Variants in SEPSECS observed in about 807,000 individuals in gnomAD.
The protein encoded by SEPSECS is Sep (O-phosphoserine) tRNA:Sec (selenocysteine) tRNA synthase.
In SEPSECS, 42 loss-of-function variants were observed where a neutral mutation model predicts 52.1. The ratio of observed to expected loss-of-function variants is 0.81; its 90% CI spans 0.63 to 1.04. The LOEUF is 1.04. Among genes scored for constraint, SEPSECS ranks in the 50% least tolerant of loss-of-function variants. The pLI is 0.00. For missense variants in SEPSECS, 590 were observed against 610.6 expected, an observed-to-expected ratio of 0.97 and a Z score of 0.36; for synonymous variants, 216 against 211.4, an observed-to-expected ratio of 1.02 and a Z score of -0.19.
chr4:25,138,704 C>T (rs1042644681), intron 8 of SEPSECS, among the ~76,000 whole-genome samples: 4 of 152,110 alleles, frequency 2.6e-5, no homozygotes, highest in Admixed American at 2.6e-4. Flanking sequence ...TGTTAAAATG[C>T]TATGACATTG....
intron 4 of SEPSECS, 85 bp downstream of exon 4, chr4:25,155,948 AGTTT>A (rs960366571): frequency 1.4e-4 from 164 of 1,211,924 alleles, no homozygotes; most frequent in South Asian, 4.1e-4. Flanking sequence ...GAAGAGAGTT[AGTTT>A]ATTTTTCATT....
intron 2 of SEPSECS, among the ~76,000 whole-genome samples, chr4:25,157,764 G>A (rs573125795): frequency 6.6e-6 from 1 of 151,888 alleles, no homozygotes; most frequent in Non-Finnish European, 1.5e-5. Context: ...CCAGGATGGT[G>A]TGGATCTCCT....
Position 25,125,592 on chromosome 4 carries a change from T to C in SEPSECS, c.1211+102A>G, listed in dbSNP as rs1031725011. On this transcript the variant is annotated intron_variant, in intron 10 of 10. Transcript: ENST00000382103. The stretch of plus-strand genomic sequence containing the variant: ...TTACTCCATGATGAATTCGCAGGTA[T>C]AGTTCAGGATATACTTGGGGGACTA... The C allele has an allele frequency of 5.2e-6, 4 of 764,782 alleles. No homozygotes were observed. In the South Asian group the frequency reaches 5.8e-5, roughly 11 times the overall value. The allele number at this position is 764,782 out of a possible 1,614,324, so 47.4% of individuals were successfully genotyped here. A position where few individuals can be genotyped will look rare whatever the true frequency, so the allele number is the denominator to read the frequency against.
rs188873089 is a variant in SEPSECS, at chr4:25,146,259, A to G, written c.805-1126T>C. 4.8e-3 allele frequency among the ~76,000 whole-genome samples: 738 copies of G among 152,304 alleles called. 4 individuals are homozygous for G. The highest frequency in any genetic ancestry group is 0.017 in the African/African-American group (695 of 41,558). On this transcript the variant is annotated intron_variant, in intron 6 of 10. Coordinates refer to ENST00000382103, the MANE Select transcript of SEPSECS (RefSeq NM_016955.4). ...TTGCTATCTGAGGGAGAACAGAAGGAGCAGATAGCTGGCCTAATCTCAGAG... is the reference window on the plus strand; with the variant it reads ...TTGCTATCTGAGGGAGAACAGAAGGGGCAGATAGCTGGCCTAATCTCAGAG...
chr4:25,139,073 C>G (rs1728954233), intron 8 of SEPSECS, among the ~76,000 whole-genome samples: 1 of 152,108 alleles, frequency 6.6e-6, no homozygotes, highest in South Asian at 2.1e-4. Flanking sequence ...TTTACCTGAC[C>G]CTTCCAGATC....
At chr4:25,160,503 CAAAACAAAA>C (rs1278033168), upstream of SEPSECS, 1 of 704,814 alleles carries the variant, frequency 1.4e-6, no homozygotes, top group Non-Finnish European at 2.4e-6. Context: ...CAAAACAAAA[CAAAACAAAA>C]AAAACACTTC....
rs1270038863 is a variant in SEPSECS, at chr4:25,122,209, A to G, written c.*1722T>C. On this transcript the variant is annotated 3_prime_UTR_variant, in exon 11 of 11. Transcript: ENST00000382103. ...ATAAATACATTTTTAAATAACCTTC[A>G]TGATATTCATAGTTAAATACTTCAT... 1 of 152,158 alleles carries G rather than the reference A, an allele frequency of 6.6e-6. No individual in the cohort carries two copies. Among genetic ancestry groups the G allele is most frequent in the Non-Finnish European group, 1.5e-5 (1 of 68,006 alleles). 9.4% of individuals were successfully genotyped at this position (152,158 alleles called of 1,614,324 possible).
intron 10 of SEPSECS, among the ~76,000 whole-genome samples, chr4:25,124,455 T>C (rs1313221424): frequency 6.6e-6 from 1 of 152,184 alleles, no homozygotes; most frequent in East Asian, 1.9e-4. Context: ...TTTACTTAAC[T>C]TCTATTAAAG....
chr4:25,142,961 C>A (rs971677528), intron 8 of SEPSECS, among the ~76,000 whole-genome samples: 3 of 152,136 alleles, frequency 2.0e-5, no homozygotes, highest in Non-Finnish European at 4.4e-5. Context: ...TTTTCCAGGA[C>A]GAAACGACTA....
chr4:25,123,829 G>T lies in SEPSECS; in HGVS notation c.*102C>A. Reference sequence around the variant, plus strand: ...CTGCTCCTTGACTGAATATTCCCATGAAATTCTCAATTCAAAAATCTCAAG... The same window carrying T: ...CTGCTCCTTGACTGAATATTCCCATTAAATTCTCAATTCAAAAATCTCAAG... On this transcript the variant is annotated 3_prime_UTR_variant, in exon 11 of 11. Transcript: ENST00000382103. 9.5e-7 allele frequency: 1 copy of T among 1,054,330 alleles called. No individual in the cohort carries two copies. The highest frequency in any genetic ancestry group is 1.5e-6 in the Non-Finnish European group (1 of 685,606). The allele number at this position is 1,054,330 out of a possible 1,614,324, so 65.3% of individuals were successfully genotyped here.
intron 1 of SEPSECS, 153 bp downstream of exon 1, chr4:25,160,103 C>G (rs1312249874): frequency 1.0e-6 from 1 of 985,350 alleles, no homozygotes; most frequent in African/African-American, 1.7e-5. Context: ...GCACAGACCG[C>G]AGTCGGTCAG....
At chr4:25,147,265 C>T (rs918825019) in intron 6 of SEPSECS, among the ~76,000 whole-genome samples, 2 of 152,144 alleles carry the variant, frequency 1.3e-5, no homozygotes, top group African/African-American at 4.8e-5. Flanking sequence ...AGCATTTATC[C>T]AAGACTTGTC....
Position 25,122,740 on chromosome 4 carries a change from T to A in SEPSECS, c.*1191A>T, listed in dbSNP as rs923030964. On this transcript the variant is annotated 3_prime_UTR_variant, in exon 11 of 11. Transcript: ENST00000382103. Reference sequence around the variant, plus strand: ...AAATCTTCAGGCTATGACATCTCTATTTCTTAAAATAGTCTTAAGTAAGTC... The same window carrying A: ...AAATCTTCAGGCTATGACATCTCTAATTCTTAAAATAGTCTTAAGTAAGTC... The A allele has an allele frequency of 5.9e-5, 9 of 152,310 alleles. 1 individual carries two copies. Among genetic ancestry groups the A allele is most frequent in the African/African-American group, 2.2e-4 (9 of 41,582 alleles). The allele number at this position is 152,310 out of a possible 1,614,324, so 9.4% of individuals were successfully genotyped here.
At chr4:25,159,418 C>A in intron 1 of SEPSECS, 1 of 352,948 alleles carries the variant, frequency 2.8e-6, no homozygotes, top group Non-Finnish European at 5.3e-6. Flanking sequence ...TGCTTCAAAC[C>A]AGGGCGTTAC....
chr4:25,145,840 T>TA (rs1309506666), intron 6 of SEPSECS, among the ~76,000 whole-genome samples: 1 of 152,176 alleles, frequency 6.6e-6, no homozygotes, highest in Non-Finnish European at 1.5e-5. Context: ...AGCACTCAGA[T>TA]AAAAAACAAA....
chr4:25,124,321 A>G lies in SEPSECS; in HGVS notation c.1212-96T>C, dbSNP rs2109479790. 12 of 1,182,162 alleles carry G rather than the reference A, an allele frequency of 1.0e-5. No homozygotes were observed. In the South Asian group the frequency reaches 1.5e-4, roughly 14 times the overall value. 73.2% of individuals were successfully genotyped at this position (1,182,162 alleles called of 1,614,324 possible). On this transcript the variant is annotated intron_variant, in intron 10 of 10. Coordinates refer to ENST00000382103, the MANE Select transcript of SEPSECS (RefSeq NM_016955.4). ...ATATGTGTTACAAAGCCTTACATCC[A>G]CTTATTACGAAGTTTAAAACAGCCA... is the stretch of plus-strand genomic sequence containing the variant.
At chr4:25,135,595 C>T (rs1331219701) in intron 8 of SEPSECS, among the ~76,000 whole-genome samples, 3 of 152,088 alleles carry the variant, frequency 2.0e-5, no homozygotes, top group African/African-American at 7.2e-5. Flanking sequence ...AAAAAAAGCC[C>T]AGGACCAGAC....
chr4:25,158,360 A>G (rs187246704), intron 2 of SEPSECS, among the ~76,000 whole-genome samples: 1 of 152,388 alleles, frequency 6.6e-6, no homozygotes, highest in East Asian at 1.9e-4. Flanking sequence ...AGGTTAGTGG[A>G]CAGAGCAATG....
rs1182921370 is a variant in SEPSECS, at chr4:25,145,040, C to A, written c.898G>T (p.Asp300Tyr). Reference protein sequence around the residue: ...VGGAIIAGFNDSFIQEISKMY... With the variant: ...VGGAIIAGFNYSFIQEISKMY... ...TTGCTGATTTCCTGAATGAATGAATCATTAAAGCCAGCAATTATAGCACCA... is the reference window on the plus strand; with the variant it reads ...TTGCTGATTTCCTGAATGAATGAATAATTAAAGCCAGCAATTATAGCACCA... Residue 300 changes from aspartate to tyrosine, a missense_variant, in exon 7 of 11, where the codon GAT (aspartate) becomes TAT (tyrosine). By Grantham distance (160) the Asp-to-Tyr change is radical. Coordinates refer to ENST00000382103, the MANE Select transcript of SEPSECS (RefSeq NM_016955.4). 1.9e-6 allele frequency: 3 copies of A among 1,613,848 alleles called. No individual in the cohort carries two copies. The highest frequency in any genetic ancestry group is 1.7e-4 in the Middle Eastern group (1 of 6,058).
Sources: allele counts gnomAD v4.1 joint callset (sites outside exome capture counted in the v4.1 genomes callset), GRCh38; gene constraint gnomAD v4.1.1; transcripts MANE v1.5; gene names NCBI Gene and HGNC (gene_info 2026-07-23, HGNC 2026-07-21).